The following HMGXB3 variants were observed in gnomAD, a reference collection of about 807,000 sequenced individuals.
HMGXB3 encodes HMG domain-containing protein 3.
HMGXB3 carries 45 observed loss-of-function variants against 121.5 expected under a neutral mutation model. The ratio of observed to expected loss-of-function variants is 0.37; its 90% CI spans 0.29 to 0.47. HMGXB3 has a LOEUF of 0.47. HMGXB3 is among the 20% of genes least tolerant of loss of function. The pLI, the probability that HMGXB3 is intolerant of heterozygous loss-of-function variation, is 0.99. For synonymous variants in HMGXB3, 590 were observed against 624.1 expected (o/e 0.95, Z 0.81); for missense variants, 1,376 against 1,602.2 (o/e 0.86, Z 2.41).
chr5:150,003,179 T>G (rs903087297), intron 1 of HMGXB3, among the ~76,000 whole-genome samples: 9 of 152,246 alleles, frequency 5.9e-5, no homozygotes, highest in African/African-American at 2.2e-4. Context: ...CTAATTCAAT[T>G]CTTCAGTCAC....
intron 6 of HMGXB3, 138 bp downstream of exon 6, chr5:150,018,835 A>G (rs1756017466): frequency 2.4e-6 from 2 of 821,712 alleles, no homozygotes; most frequent in Non-Finnish European, 3.6e-6. Context: ...TCCATTGTAT[A>G]TAGTTTGTTT....
intron 19 of HMGXB3, among the ~76,000 whole-genome samples, chr5:150,051,065 T>C (rs1448385502): frequency 1.3e-5 from 2 of 152,214 alleles, no homozygotes; most frequent in East Asian, 3.9e-4. Context: ...ACTCATCTTA[T>C]CCAACCCTCT....
At chr5:150,008,130 C>T (rs1300635568) in intron 3 of HMGXB3, among the ~76,000 whole-genome samples, 1 of 151,354 alleles carries the variant, frequency 6.6e-6, no homozygotes, top group Non-Finnish European at 1.5e-5. Flanking sequence ...ATGATAAAAT[C>T]CTACGTAATC....
rs1581251599 is a variant in HMGXB3, at chr5:150,018,619, C to G, written c.963C>G (p.Ser321=). ...GGACATGCACCAGCCCAGGGTGCTC[C>G]TTTACATATGTCACCAGGCACAAGC... The part of the protein sequence containing the change: ...GHGTCTSPGC[S]FTYVTRHKPP... Residue 321 remains serine (S), a synonymous_variant, in exon 6 of 20, where the codon TCC becomes TCG. Transcript: ENST00000502717. 2.6e-6 allele frequency: 4 copies of G among 1,551,268 alleles called. No homozygotes were observed. The highest frequency in any genetic ancestry group is 3.5e-6 in the Non-Finnish European group (4 of 1,146,792).
At chr5:150,014,532 A>C (rs1755918725) in intron 5 of HMGXB3, among the ~76,000 whole-genome samples, 1 of 152,256 alleles carries the variant, frequency 6.6e-6, no homozygotes, top group South Asian at 2.1e-4. Flanking sequence ...CTACTAAAAC[A>C]GTTCAACTTA....
At chr5:150,035,079 A>G (rs1199647251) in intron 11 of HMGXB3, among the ~76,000 whole-genome samples, 5 of 152,212 alleles carry the variant, frequency 3.3e-5, no homozygotes, top group African/African-American at 1.2e-4. Flanking sequence ...TAACCAAGCT[A>G]TTACAAATGA....
intron 18 of HMGXB3, among the ~76,000 whole-genome samples, chr5:150,049,263 G>C (rs1368248197): frequency 6.6e-6 from 1 of 152,226 alleles, no homozygotes; most frequent in Non-Finnish European, 1.5e-5. Flanking sequence ...GTAACAGTTC[G>C]TATTTTATTC....
rs890632020 is a variant in HMGXB3 at position 150,021,219 on chromosome 5, T to C, written c.1041+2522T>C. On this transcript the variant is annotated intron_variant, in intron 6 of 19. Coordinates refer to ENST00000502717, the MANE Select transcript of HMGXB3 (RefSeq NM_014983.3). ...CTAAAGCTTATAGAAACAGAATGAG[T>C]GTGAGAAGACAGGTAACATTTTACC... is the stretch of plus-strand genomic sequence containing the variant. Among the ~76,000 whole-genome samples the C allele has an allele frequency of 1.3e-4, 20 of 152,198 alleles. 1 individual carries two copies. Among genetic ancestry groups the C allele is most frequent in the African/African-American group, 4.6e-4 (19 of 41,446 alleles).
intron 11 of HMGXB3, among the ~76,000 whole-genome samples, chr5:150,034,357 A>T (rs1421342270): frequency 1.3e-5 from 2 of 152,104 alleles, no homozygotes; most frequent in Non-Finnish European, 2.9e-5. Flanking sequence ...TACATATACA[A>T]AGTGTGTCTA....
intron 11 of HMGXB3, among the ~76,000 whole-genome samples, chr5:150,033,788 G>T (rs914919686): frequency 2.6e-5 from 4 of 152,096 alleles, no homozygotes; most frequent in African/African-American, 9.7e-5. Context: ...AAGCTTAGAG[G>T]TTTATTTGTA....
At chr5:150,019,679 G>A (rs186990919) in intron 6 of HMGXB3, among the ~76,000 whole-genome samples, 4 of 152,332 alleles carry the variant, frequency 2.6e-5, no homozygotes, top group Admixed American at 2.0e-4. Context: ...AACAGAATTT[G>A]GGTGGGTAGA....
intron 11 of HMGXB3, among the ~76,000 whole-genome samples, chr5:150,034,072 T>G (rs1756446165): frequency 6.6e-6 from 1 of 152,164 alleles, no homozygotes; most frequent in African/African-American, 2.4e-5. Context: ...ACAGGAGCCT[T>G]AGAGAAGACT....
intron 9 of HMGXB3, chr5:150,030,499 T>A: frequency 4.6e-6 from 2 of 434,016 alleles, no homozygotes; most frequent in Non-Finnish European, 8.4e-6. Context: ...TAAATCTGAT[T>A]CATGGTGTTT....
At chr5:150,037,194 C>T (rs1756519582) in intron 12 of HMGXB3, among the ~76,000 whole-genome samples, 1 of 152,132 alleles carries the variant, frequency 6.6e-6, no homozygotes, top group African/African-American at 2.4e-5. Flanking sequence ...TTTGGGAGTT[C>T]ATTGGGATTG....
chr5:150,026,690 T>C lies in HMGXB3; in HGVS notation c.1461-16T>C. On this transcript the variant is annotated splice_polypyrimidine_tract_variant and intron_variant, in intron 7 of 19. Coordinates refer to ENST00000502717, the MANE Select transcript of HMGXB3 (RefSeq NM_014983.3). ...TTGTTCCAGAATTTCCAGATTTCTCTTCTTATTCTTTTCAGAGCTGACCTG... is the reference window on the plus strand; with the variant it reads ...TTGTTCCAGAATTTCCAGATTTCTCCTCTTATTCTTTTCAGAGCTGACCTG... The C allele has an allele frequency of 6.5e-7, 1 of 1,542,484 alleles. No individual in the cohort carries two copies. The highest frequency in any genetic ancestry group is 1.4e-5 in the African/African-American group (1 of 72,244).
chr5:150,030,791 C>G lies in HMGXB3; in HGVS notation c.1785C>G (p.Val595=), dbSNP rs1223160900. 4.8e-5 allele frequency: 75 copies of G among 1,552,088 alleles called. No individual in the cohort carries two copies. The highest frequency in any genetic ancestry group is 6.1e-5 in the Non-Finnish European group (70 of 1,147,076). ...NRTSQVKVVE[V]KPDMFPPYKY... ...CTTCTCAGGTGAAAGTTGTGGAGGTCAAGCCCGATATGTTTCCTCCATATA... is the reference window on the plus strand; with the variant it reads ...CTTCTCAGGTGAAAGTTGTGGAGGTGAAGCCCGATATGTTTCCTCCATATA... The change falls in exon 10 of 20, where the codon GTC becomes GTG. Residue 595 remains valine, a synonymous_variant. Transcript: ENST00000502717.
chr5:150,021,639 C>A (rs1035138779), intron 6 of HMGXB3: 2 of 520,750 alleles, frequency 3.8e-6, no homozygotes, highest in Non-Finnish European at 7.5e-6. Flanking sequence ...GCTTAACAAT[C>A]TCAGAAGGAC....
At chr5:150,028,298 T>G in intron 9 of HMGXB3, among the ~76,000 whole-genome samples, 1 of 151,630 alleles carries the variant, frequency 6.6e-6, no homozygotes, top group Non-Finnish European at 1.5e-5. Flanking sequence ...GAGGGTGACT[T>G]TGAATAGAAT....
intron 3 of HMGXB3, 63 bp downstream of exon 3, chr5:150,006,710 C>T: frequency 2.2e-6 from 3 of 1,377,446 alleles, no homozygotes; most frequent in Non-Finnish European, 3.0e-6. Context: ...CTTGGGAAAA[C>T]CAAGCCCCTT....
Sources: allele counts gnomAD v4.1 joint callset (sites outside exome capture counted in the v4.1 genomes callset), GRCh38; gene constraint gnomAD v4.1.1; transcripts MANE v1.5; gene names NCBI Gene and HGNC (gene_info 2026-07-23, HGNC 2026-07-21).